The following RETREG1 variants were observed in gnomAD, a reference collection of about 807,000 sequenced individuals.
RETREG1 encodes family with sequence similarity 134 member B.
Under a neutral mutation model 54.8 loss-of-function variants are expected in RETREG1, and 44 were observed. The ratio of observed to expected loss-of-function variants is 0.80; its 90% CI spans 0.63 to 1.03. RETREG1 has a LOEUF of 1.03. Among genes scored for constraint, RETREG1 ranks in the 50% least tolerant of loss-of-function variants. RETREG1 has a pLI of 0.00. For synonymous variants in RETREG1, 217 were observed against 238.5 expected, an observed-to-expected ratio of 0.91 and a Z score of 0.83; for missense variants, 554 against 605.1, an observed-to-expected ratio of 0.92 and a Z score of 0.89.
chr5:16,607,767 T>A (rs1307263436), intron 1 of RETREG1, among the ~76,000 whole-genome samples: 1 of 152,156 alleles, frequency 6.6e-6, no homozygotes, highest in South Asian at 2.1e-4. Context: ...AATAGTAACC[T>A]CTTCAAAACC....
chr5:16,517,063 C>T (rs1301840295), intron 3 of RETREG1, among the ~76,000 whole-genome samples: 5 of 142,624 alleles, frequency 3.5e-5, no homozygotes, highest in East Asian at 1.9e-4. Flanking sequence ...AGCATGGGAA[C>T]GAGGAGGAAG....
intron 1 of RETREG1, among the ~76,000 whole-genome samples, chr5:16,610,851 T>C (rs1428678060): frequency 2.0e-5 from 3 of 152,150 alleles, no homozygotes; most frequent in Admixed American, 6.5e-5. Flanking sequence ...AGTGTGGCGA[T>C]TCCTCAGGGA....
intron 3 of RETREG1, among the ~76,000 whole-genome samples, chr5:16,562,432 A>G (rs548395264): frequency 6.6e-6 from 1 of 152,212 alleles, no homozygotes; most frequent in Non-Finnish European, 1.5e-5. Flanking sequence ...AGGTGGATAC[A>G]TGCCTAGGGC....
At chr5:16,500,978 C>A (rs1739687533) in intron 3 of RETREG1, among the ~76,000 whole-genome samples, 1 of 152,068 alleles carries the variant, frequency 6.6e-6, no homozygotes, top group South Asian at 2.1e-4. Context: ...ACGTTAAGGA[C>A]CTGCCCTATA....
intron 3 of RETREG1, among the ~76,000 whole-genome samples, chr5:16,543,341 G>T (rs1741299386): frequency 6.6e-6 from 1 of 152,130 alleles, no homozygotes; most frequent in Non-Finnish European, 1.5e-5. Context: ...AGAGGAAGTT[G>T]TTGAATCACA....
At chr5:16,564,350 G>A (rs913802313) in intron 3 of RETREG1, among the ~76,000 whole-genome samples, 2 of 152,102 alleles carry the variant, frequency 1.3e-5, no homozygotes, top group African/African-American at 2.4e-5. Flanking sequence ...CAGCTGAGAC[G>A]TTCTCTTACA....
At chr5:16,482,545 T>C (rs1211368936) in intron 4 of RETREG1, among the ~76,000 whole-genome samples, 2 of 152,072 alleles carry the variant, frequency 1.3e-5, no homozygotes, top group Admixed American at 1.3e-4. Flanking sequence ...CATAGTTCTA[T>C]TATTTAATAC....
chr5:16,492,515 T>A (rs1332456037), intron 3 of RETREG1, among the ~76,000 whole-genome samples: 1 of 151,606 alleles, frequency 6.6e-6, no homozygotes, highest in African/African-American at 2.4e-5. Flanking sequence ...CTGGCAACCA[T>A]GACAAACAGC....
intron 3 of RETREG1, among the ~76,000 whole-genome samples, chr5:16,548,005 C>T (rs1741434247): frequency 6.6e-6 from 1 of 151,750 alleles, no homozygotes; most frequent in African/African-American, 2.4e-5. Flanking sequence ...AAGCTTATAT[C>T]CTATAAGTAC....
At chr5:16,606,428 A>C (rs1743193337) in intron 1 of RETREG1, among the ~76,000 whole-genome samples, 1 of 152,092 alleles carries the variant, frequency 6.6e-6, no homozygotes, top group Non-Finnish European at 1.5e-5. Flanking sequence ...CAACACATGC[A>C]ACTCCATACT....
chr5:16,523,472 G>C (rs139583063), intron 3 of RETREG1, among the ~76,000 whole-genome samples: 1 of 152,074 alleles, frequency 6.6e-6, no homozygotes, highest in Non-Finnish European at 1.5e-5. Context: ...TTTTGGGTTG[G>C]GGGGAGAGTC....
chr5:16,612,090 C>T (rs992504235), intron 1 of RETREG1, among the ~76,000 whole-genome samples: 4 of 151,690 alleles, frequency 2.6e-5, no homozygotes, highest in South Asian at 4.2e-4. Context: ...AGGACATCAC[C>T]CTATCACCCT....
intron 3 of RETREG1, among the ~76,000 whole-genome samples, chr5:16,559,592 A>T (rs1394518734): frequency 6.6e-6 from 1 of 152,254 alleles, no homozygotes; most frequent in African/African-American, 2.4e-5. Flanking sequence ...AAACAATAAA[A>T]CAAGATTCAT....
At chr5:16,543,687 A>T (rs914202859) in intron 3 of RETREG1, among the ~76,000 whole-genome samples, 4 of 151,974 alleles carry the variant, frequency 2.6e-5, no homozygotes, top group Non-Finnish European at 5.9e-5. Context: ...AAAAAAAAAA[A>T]AAAACTGCCA....
At chr5:16,573,718 G>GT (rs1195708487) in intron 1 of RETREG1, among the ~76,000 whole-genome samples, 1 of 141,626 alleles carries the variant, frequency 7.1e-6, no homozygotes, top group Admixed American at 7.1e-5. Context: ...TTTTTAATTG[G>GT]TTTTTTGGGT....
chr5:16,551,745 A>G (rs994316671), intron 3 of RETREG1, among the ~76,000 whole-genome samples: 1 of 152,154 alleles, frequency 6.6e-6, no homozygotes, highest in Non-Finnish European at 1.5e-5. Flanking sequence ...TGCTGTAACA[A>G]ATTACAAATT....
At chr5:16,479,136 A>C in intron 5 of RETREG1, 149 bp from the exon 6 acceptor site, 1 of 757,050 alleles carries the variant, frequency 1.3e-6, no homozygotes, top group Non-Finnish European at 2.2e-6. Context: ...TATAATTTCT[A>C]TTCTTTTTCT....
rs1743535663 is a variant in RETREG1 at position 16,616,914 on chromosome 5, C to T, written c.58G>A (p.Glu20Lys). The change falls in exon 1 of 9, where the codon GAG becomes AAG. Residue 20 changes from glutamate to lysine, a missense_variant. Physicochemically the swap from Glu to Lys is moderately conservative, Grantham distance 56. Transcript: ENST00000306320. ...GGCGGCGACGGCGGCGCCTGCTCCTCGGCGGCAGGAGCCGGGCATCCCTCC... is the reference window on the plus strand; with the variant it reads ...GGCGGCGACGGCGGCGCCTGCTCCTTGGCGGCAGGAGCCGGGCATCCCTCC... ...AEEGCPAPAA[E>K]EQAPPSPPPP... 2 of 1,477,706 alleles carry T rather than the reference C, an allele frequency of 1.4e-6. No homozygotes were observed. Among genetic ancestry groups the T allele is most frequent in the African/African-American group, 1.5e-5 (1 of 68,114 alleles). 91.5% of individuals were successfully genotyped at this position (1,477,706 alleles called of 1,614,324 possible).
At chr5:16,497,360 A>G (rs78619252) in intron 3 of RETREG1, among the ~76,000 whole-genome samples, 2,854 of 152,338 alleles carry the variant, frequency 0.019, 34 homozygotes, top group Non-Finnish European at 0.031. Context: ...GGCTAACAAT[A>G]AGTGAAATAA....
Sources: gnomAD v4.1 joint callset for allele counts (sites outside exome capture counted in the v4.1 genomes callset) on GRCh38, gnomAD v4.1.1 for gene constraint, MANE v1.5 for transcripts, NCBI Gene and HGNC (gene_info 2026-07-23, HGNC 2026-07-21) for gene names.